Variants in CREB5 observed in about 807,000 individuals in gnomAD.
CREB5 encodes the protein cyclic AMP-responsive element-binding protein 5.
Under a neutral mutation model 57.1 loss-of-function variants are expected in CREB5, and 19 were observed. The observed-to-expected ratio is 0.33, with a 90% CI of 0.23 to 0.49. CREB5 has a LOEUF of 0.49. Ranked by LOEUF, CREB5 falls within the 20% of genes least tolerant of loss-of-function variation. The pLI, the probability that CREB5 is intolerant of heterozygous loss-of-function variation, is 0.99. For missense variants in CREB5, 579 were observed against 671.6 expected (o/e 0.86, Z 1.52); for synonymous variants, 238 against 238.3 (o/e 1.00, Z 0.01).
chr7:28,470,362 A>G (rs972779307), intron 1 of CREB5, among the ~76,000 whole-genome samples: 1 of 152,176 alleles, frequency 6.6e-6, no homozygotes, highest in Non-Finnish European at 1.5e-5. Flanking sequence ...TACTTAACAT[A>G]GTGACCTCCA....
At chr7:28,696,493 T>G (rs998407507) in intron 5 of CREB5, among the ~76,000 whole-genome samples, 76 of 152,316 alleles carry the variant, frequency 5.0e-4, no homozygotes, top group African/African-American at 1.8e-3. Context: ...TTTCTTCTAC[T>G]GAAGTGAGAA....
intron 5 of CREB5, among the ~76,000 whole-genome samples, chr7:28,593,493 C>T (rs879591006): frequency 1.1e-4 from 17 of 152,184 alleles, no homozygotes; most frequent in Admixed American, 1.1e-3. Flanking sequence ...AAGTGATCTG[C>T]CCACCTCAGC....
At chr7:28,621,840 A>T (rs749412630) in intron 5 of CREB5, among the ~76,000 whole-genome samples, 5 of 152,208 alleles carry the variant, frequency 3.3e-5, no homozygotes, top group Admixed American at 6.5e-5. Context: ...ATATATCCAG[A>T]GGTGAAAAGA....
intron 5 of CREB5, among the ~76,000 whole-genome samples, chr7:28,685,151 G>T (rs1451893976): frequency 6.6e-6 from 1 of 152,214 alleles, no homozygotes; most frequent in African/African-American, 2.4e-5. Context: ...CCTCCAGCGA[G>T]TTGAGTTGTG....
At chr7:28,519,426 A>G (rs1394058347) in intron 4 of CREB5, among the ~76,000 whole-genome samples, 2 of 152,234 alleles carry the variant, frequency 1.3e-5, no homozygotes, top group Non-Finnish European at 2.9e-5. Context: ...GCTTTAACAG[A>G]TAATTGCTAT....
intron 7 of CREB5, among the ~76,000 whole-genome samples, chr7:28,748,464 T>G (rs942004418): frequency 6.6e-6 from 1 of 152,176 alleles, no homozygotes; most frequent in Non-Finnish European, 1.5e-5. Context: ...CTAAGTGTGA[T>G]CCTGCTAAAA....
At chr7:28,673,451 G>T (rs2128720353) in intron 5 of CREB5, among the ~76,000 whole-genome samples, 1 of 152,276 alleles carries the variant, frequency 6.6e-6, no homozygotes, top group South Asian at 2.1e-4. Flanking sequence ...TGGCATAGAA[G>T]TCTTAAAATC....
chr7:28,483,845 G>A (rs1198390293), intron 1 of CREB5, among the ~76,000 whole-genome samples: 1 of 152,086 alleles, frequency 6.6e-6, no homozygotes, highest in Non-Finnish European at 1.5e-5. Flanking sequence ...ATGAAATCTG[G>A]AGAGATTTCT....
chr7:28,619,568 G>A (rs918404927), intron 5 of CREB5, among the ~76,000 whole-genome samples: 4 of 152,164 alleles, frequency 2.6e-5, no homozygotes, highest in East Asian at 1.9e-4. Context: ...TAGGCATGGT[G>A]GCTCATGCCT....
intron 4 of CREB5, among the ~76,000 whole-genome samples, chr7:28,528,770 G>T (rs201379670): frequency 1.9e-5 from 1 of 53,758 alleles, no homozygotes; most frequent in Non-Finnish European, 3.9e-5. Flanking sequence ...AATGTTTTAG[G>T]TTAAAAAAAA....
intron 4 of CREB5, among the ~76,000 whole-genome samples, chr7:28,534,643 G>A (rs560073411): frequency 5.3e-5 from 8 of 151,940 alleles, no homozygotes; most frequent in African/African-American, 1.4e-4. Flanking sequence ...TCTTCATCTC[G>A]ACTTCCTCTT....
chr7:28,780,961 A>G (rs1327336278), intron 7 of CREB5, among the ~76,000 whole-genome samples: 1 of 152,238 alleles, frequency 6.6e-6, no homozygotes, highest in Non-Finnish European at 1.5e-5. Context: ...TTCTGAATGC[A>G]TATTAAATTG....
At chr7:28,621,154 G>A (rs1797775190) in intron 5 of CREB5, among the ~76,000 whole-genome samples, 1 of 149,772 alleles carries the variant, frequency 6.7e-6, no homozygotes, top group Non-Finnish European at 1.5e-5. Context: ...CAGTCATAAG[G>A]TCCAATCTAG....
chr7:28,440,877 C>A, intron 1 of CREB5, among the ~76,000 whole-genome samples: 1 of 152,038 alleles, frequency 6.6e-6, no homozygotes, highest in East Asian at 1.9e-4. Context: ...TTGGGGAGGT[C>A]CAAGGAGATT....
At chr7:28,783,686 G>T (rs144229096) in intron 7 of CREB5, among the ~76,000 whole-genome samples, 3 of 152,222 alleles carry the variant, frequency 2.0e-5, no homozygotes, top group East Asian at 1.9e-4. Context: ...AGGGGCCTTG[G>T]GGGGAGACCT....
At chr7:28,597,828 G>A (rs1351579273) in intron 5 of CREB5, among the ~76,000 whole-genome samples, 1 of 152,128 alleles carries the variant, frequency 6.6e-6, no homozygotes, top group Admixed American at 6.6e-5. Context: ...GAACAAAACA[G>A]GAGTAGAGGA....
At chr7:28,389,121 C>G (rs189004921) in intron 1 of CREB5, among the ~76,000 whole-genome samples, 1 of 152,248 alleles carries the variant, frequency 6.6e-6, no homozygotes, top group East Asian at 1.9e-4. Flanking sequence ...TTCTCACATG[C>G]AAAAGCCTCA....
rs5883134 is a variant in CREB5 at position 28,466,210 on chromosome 7, TAAAAAA to T, written c.4-21946_4-21941del. Among the ~76,000 whole-genome samples, 42 of 94,752 alleles carry T rather than the reference TAAAAAA, an allele frequency of 4.4e-4. No individual in the cohort carries two copies. The Admixed American group carries it at 4.5e-3, about 10-fold the overall frequency. The allele number at this position is 94,752 out of a possible 152,430, so 62.2% of individuals were successfully genotyped here. On this transcript the variant is annotated intron_variant, in intron 1 of 10. Transcript: ENST00000357727. ...TTTATCCTAAACATATGACTGGAGTTAAAAAAAAAAAAAAAAAAAAAAAAGCTCCAA... is the reference window on the plus strand; with the variant it reads ...TTTATCCTAAACATATGACTGGAGTTAAAAAAAAAAAAAAAAAAGCTCCAA...
intron 1 of CREB5, among the ~76,000 whole-genome samples, chr7:28,335,665 A>G (rs905655131): frequency 2.6e-5 from 4 of 151,876 alleles, no homozygotes; most frequent in African/African-American, 9.7e-5. Context: ...AATTTGACTT[A>G]TTCCTTTCTA....
Sources: gnomAD v4.1 joint callset for allele counts (sites outside exome capture counted in the v4.1 genomes callset) on GRCh38, gnomAD v4.1.1 for gene constraint, MANE v1.5 for transcripts, NCBI Gene and HGNC (gene_info 2026-07-23, HGNC 2026-07-21) for gene names.